The following DYNC2H1 variants were observed in gnomAD, a reference collection of about 807,000 sequenced individuals.
DYNC2H1 encodes cytoplasmic dynein 2 heavy chain 1.
A neutral mutation model predicts 570.0 loss-of-function variants in DYNC2H1; 410 were observed. That is an observed-to-expected ratio of 0.72 (90% CI 0.66 to 0.78). The LOEUF (loss-of-function observed/expected upper bound fraction) is 0.78. Among genes scored for constraint, DYNC2H1 ranks in the 30% least tolerant of loss-of-function variants. The pLI is 0.00. For missense variants in DYNC2H1, 4,865 were observed against 5,046.4 expected (o/e 0.96, Z 1.09); for synonymous variants, 1,688 against 1,677.6 (o/e 1.01, Z -0.15).
intron 83 of DYNC2H1, among the ~76,000 whole-genome samples, chr11:103,387,263 AT>A (rs1240500403): frequency 5.9e-5 from 9 of 151,990 alleles, no homozygotes; most frequent in African/African-American, 1.9e-4. Flanking sequence ...GATGATGAGC[AT>A]TTTTTCATGT....
intron 84 of DYNC2H1, chr11:103,407,005 T>A (rs1046520186): frequency 3.3e-5 from 5 of 151,846 alleles, no homozygotes; most frequent in Admixed American, 6.6e-5. Flanking sequence ...AGAGTACAGG[T>A]TATTGGAAAG....
At chr11:103,187,736 C>G in intron 43 of DYNC2H1, 150 bp downstream of exon 43, 6 of 1,015,746 alleles carry the variant, frequency 5.9e-6, no homozygotes, top group Non-Finnish European at 5.6e-6. Flanking sequence ...CAGTCTTGTT[C>G]CAGTTCTTCT....
In DYNC2H1 at chr11:103,446,209, C is replaced by T. The variant is rs185906157; in HGVS notation, c.12457-8977C>T. ...ACTGGAATTGGAAATAGAAAATTAG[C>T]AATTATCAGCATATCAACATAGTGT... is the stretch of plus-strand genomic sequence containing the variant. On this transcript the variant is annotated intron_variant, in intron 85 of 88. Coordinates refer to ENST00000375735, the MANE Select transcript of DYNC2H1 (RefSeq NM_001377.3). The surrounding 1 kb of genome is among the most constrained non-coding windows in gnomAD (Gnocchi z 4.5). 1.4e-4 allele frequency among the ~76,000 whole-genome samples: 21 copies of T among 152,130 alleles called. No individual in the cohort carries two copies. The highest frequency in any genetic ancestry group is 1.2e-3 in the Admixed American group (19 of 15,250).
chr11:103,446,556 G>T lies in DYNC2H1; in HGVS notation c.12457-8630G>T, dbSNP rs597017. Among the ~76,000 whole-genome samples the T allele has an allele frequency of 0.36, 53,917 of 151,730 alleles. 10,116 individuals carry two copies. Among genetic ancestry groups the T allele is most frequent in the African/African-American group, 0.48 (19,673 of 41,304 alleles). On this transcript the variant is annotated intron_variant, in intron 85 of 88. Coordinates refer to ENST00000375735, the MANE Select transcript of DYNC2H1 (RefSeq NM_001377.3). This position sits in a 1 kb window ranked among gnomAD's most constrained non-coding sequence, Gnocchi z 4.5. ...TCATATGAGTTTAAAAAAGAATAAG[G>T]GGTGAAGTTGAGACAGCAAATATAG...
Position 103,163,222 on chromosome 11 carries a change from C to G in DYNC2H1, c.4611+75C>G. Reference sequence around the variant, plus strand: ...TCCCTGACCTAGAAGCCAGGAGGCTCAGATAAATCGCATCTGTTTTCTCCC... The same window carrying G: ...TCCCTGACCTAGAAGCCAGGAGGCTGAGATAAATCGCATCTGTTTTCTCCC... On this transcript the variant is annotated intron_variant, in intron 30 of 88. Coordinates refer to ENST00000375735, the MANE Select transcript of DYNC2H1 (RefSeq NM_001377.3). This position sits in a 1 kb window ranked among gnomAD's most constrained non-coding sequence, Gnocchi z 4.6. 1 of 1,489,438 alleles carries G rather than the reference C, an allele frequency of 6.7e-7. No homozygotes were observed. Among genetic ancestry groups the G allele is most frequent in the Non-Finnish European group, 9.0e-7 (1 of 1,111,314 alleles). The allele number at this position is 1,489,438 out of a possible 1,614,324, so 92.3% of individuals were successfully genotyped here. A position where few individuals can be genotyped will look rare whatever the true frequency, so the allele number is the denominator to read the frequency against.
intron 83 of DYNC2H1, among the ~76,000 whole-genome samples, chr11:103,392,242 C>A (rs573581515): frequency 9.8e-5 from 15 of 152,358 alleles, no homozygotes; most frequent in East Asian, 3.9e-4. Context: ...GCAGTTTGAT[C>A]TCAGACTGCT....
intron 83 of DYNC2H1, among the ~76,000 whole-genome samples, chr11:103,384,364 T>C (rs773030749): frequency 4.6e-5 from 7 of 152,176 alleles, no homozygotes; most frequent in Non-Finnish European, 1.0e-4. Context: ...TCCTAATTTA[T>C]ACTTTTAACG....
chr11:103,236,473 A>G lies in DYNC2H1; in HGVS notation c.9753A>G (p.Leu3251=), dbSNP rs1271850210. Residue 3251 remains leucine, a synonymous_variant, in exon 63 of 89, where the codon TTA becomes TTG. Transcript: ENST00000375735. ...TTCTTTGTACTGAAAGTGAGCAGTT[A>G]ATTTGGAAAAGTGAAGGCCTACCAT... ...RRFLCTESEQ[L]IWKSEGLPSD... 3.1e-6 allele frequency: 5 copies of G among 1,610,098 alleles called. No individual in the cohort carries two copies. Among genetic ancestry groups the G allele is most frequent in the Non-Finnish European group, 4.2e-6 (5 of 1,177,268 alleles).
chr11:103,411,215 G>A (rs7129349), intron 84 of DYNC2H1, among the ~76,000 whole-genome samples: 8,045 of 152,158 alleles, frequency 0.053, 260 homozygotes, highest in Non-Finnish European at 0.076. Context: ...GAAATCCAGT[G>A]GTTTAAAGTT....
chr11:103,233,081 AG>A (rs1362780643), intron 60 of DYNC2H1, among the ~76,000 whole-genome samples: 1 of 151,992 alleles, frequency 6.6e-6, no homozygotes, highest in African/African-American at 2.4e-5. Flanking sequence ...TCTTATGTCT[AG>A]GGAAAGAAGG....
In DYNC2H1 at chr11:103,185,066, T is replaced by TA; in HGVS notation, c.6633+16dup. 3 of 1,605,274 alleles carry TA rather than the reference T, an allele frequency of 1.9e-6. No homozygotes were observed. Among genetic ancestry groups the TA allele is most frequent in the Non-Finnish European group, 2.6e-6 (3 of 1,174,522 alleles). ...TTACCAAAGAGGTAATGCATATTTA[T>TA]AGCCTATATTTAGTCAAAACTTTAA... is the stretch of plus-strand genomic sequence containing the variant. On this transcript the variant is annotated intron_variant, in intron 41 of 88. Coordinates refer to ENST00000375735, the MANE Select transcript of DYNC2H1 (RefSeq NM_001377.3). This position sits in a 1 kb window ranked among gnomAD's most constrained non-coding sequence, Gnocchi z 4.5.
intron 85 of DYNC2H1, among the ~76,000 whole-genome samples, chr11:103,441,681 A>G (rs545639559): frequency 1.3e-3 from 204 of 152,270 alleles, no homozygotes; most frequent in African/African-American, 4.6e-3. Flanking sequence ...TTCCTGAGAT[A>G]TATTCTGTAG....
chr11:103,210,028 C>G (rs1863088794), intron 53 of DYNC2H1, 68 bp downstream of exon 53: 1 of 1,347,130 alleles, frequency 7.4e-7, no homozygotes, highest in African/African-American at 1.5e-5. Flanking sequence ...TTTAATGCTA[C>G]AGATCCATTA....
chr11:103,309,220 G>A (rs963589545), intron 78 of DYNC2H1, among the ~76,000 whole-genome samples: 2 of 112,356 alleles, frequency 1.8e-5, no homozygotes, highest in African/African-American at 6.5e-5. Flanking sequence ...TGTTACCCAG[G>A]CTGGAGTGCA....
intron 54 of DYNC2H1, 85 bp downstream of exon 54, chr11:103,212,028 A>G: frequency 7.8e-7 from 1 of 1,287,954 alleles, no homozygotes; most frequent in East Asian, 3.0e-5. Context: ...TGCGGGTGGC[A>G]TATATCTGGT....
At chr11:103,377,001 G>C (rs899188061) in intron 83 of DYNC2H1, among the ~76,000 whole-genome samples, 1 of 152,090 alleles carries the variant, frequency 6.6e-6, no homozygotes, top group Admixed American at 6.6e-5. Context: ...CTGTCTAGTG[G>C]GGATTCCCTT....
intron 60 of DYNC2H1, among the ~76,000 whole-genome samples, chr11:103,233,458 T>C (rs1467723104): frequency 6.6e-6 from 1 of 151,888 alleles, no homozygotes; most frequent in East Asian, 1.9e-4. Flanking sequence ...TAAAGATCAA[T>C]GAATATAGGG....
intron 54 of DYNC2H1, 58 bp from the exon 55 acceptor site, chr11:103,215,663 A>C: frequency 7.6e-7 from 1 of 1,315,730 alleles, no homozygotes; most frequent in South Asian, 1.6e-5. Flanking sequence ...GGCTTTATTT[A>C]CTGTGTGTGT....
chr11:103,461,458 CATTAT>C lies in DYNC2H1; in HGVS notation c.12648+5103_12648+5107del, dbSNP rs1945008238. Among the ~76,000 whole-genome samples the C allele has an allele frequency of 6.6e-6, 1 of 151,752 alleles. No homozygotes were observed. Among genetic ancestry groups the C allele is most frequent in the Non-Finnish European group, 1.5e-5 (1 of 68,016 alleles). ...GAACATGGCCCTCTAAAATTCCTGC[CATTAT>C]TGATCTATTATGTGTTAAATAGTAC... On this transcript the variant is annotated intron_variant, in intron 87 of 88. Coordinates refer to ENST00000375735, the MANE Select transcript of DYNC2H1 (RefSeq NM_001377.3). This position sits in a 1 kb window ranked among gnomAD's most constrained non-coding sequence, Gnocchi z 4.8.
Sources: allele counts gnomAD v4.1 joint callset (sites outside exome capture counted in the v4.1 genomes callset), GRCh38; gene constraint gnomAD v4.1.1; non-coding constraint Gnocchi (gnomAD v3.1); transcripts MANE v1.5; gene names NCBI Gene and HGNC (gene_info 2026-07-23, HGNC 2026-07-21).